The following KIF23 variants were observed in gnomAD, a reference collection of about 807,000 sequenced individuals.
The protein encoded by KIF23 is kinesin-like protein KIF23.
Under a neutral mutation model 137.5 loss-of-function variants are expected in KIF23, and 30 were observed. That is an observed-to-expected ratio of 0.22 (90% CI 0.16 to 0.30). The LOEUF (loss-of-function observed/expected upper bound fraction) is 0.30. KIF23 is among the 10% of genes least tolerant of loss of function. KIF23 has a pLI of 1.00. For synonymous variants in KIF23, 367 were observed against 391.1 expected, an observed-to-expected ratio of 0.94 and a Z score of 0.73; for missense variants, 920 against 1,194.3, an observed-to-expected ratio of 0.77 and a Z score of 3.38.
At chr15:69,432,537 T>G (rs899539704) in intron 11 of KIF23, among the ~76,000 whole-genome samples, 3 of 152,146 alleles carry the variant, frequency 2.0e-5, no homozygotes, top group Admixed American at 6.5e-5. Context: ...AGTAGCTTTT[T>G]TTTTTTTACT....
chr15:69,428,660 CAAAAAAAAAAAAAAAAA>C (rs59950355), intron 10 of KIF23, among the ~76,000 whole-genome samples: 1 of 74,040 alleles, frequency 1.4e-5, no homozygotes, highest in Non-Finnish European at 2.3e-5. Flanking sequence ...CTCTGTCTCC[CAAAAAAAAAAAAAAAAA>C]AAAAAAAACA....
intron 19 of KIF23, among the ~76,000 whole-genome samples, chr15:69,443,326 G>GTTTTTTTTTTTTT (rs10538305): frequency 3.4e-5 from 2 of 58,586 alleles, no homozygotes; most frequent in Non-Finnish European, 6.3e-5. Context: ...TGTTTTTTGG[G>GTTTTTTTTTTTTT]TTTTTTTTTT....
rs1400229384 is a variant in KIF23, at chr15:69,445,182, AG to A, written c.2673+142del. 6.0e-6 allele frequency: 5 copies of A among 829,986 alleles called. No homozygotes were observed. The Admixed American group carries it at 1.5e-4, about 24-fold the overall frequency. 51.4% of individuals were successfully genotyped at this position (829,986 alleles called of 1,614,324 possible). Reference sequence around the variant, plus strand: ...TATTTGATATAACCTTTTTGTTAGCAGAAAATTAGTCACTGCTTAGGTTTTA... The same window carrying A: ...TATTTGATATAACCTTTTTGTTAGCAAAAATTAGTCACTGCTTAGGTTTTA... On this transcript the variant is annotated intron_variant, in intron 20 of 23. Transcript: ENST00000679126.
rs1281499873 is a variant in KIF23, at chr15:69,446,931, G to A, written c.2899G>A (p.Ala967Thr). The stretch of plus-strand genomic sequence containing the variant: ...GCTGGGACCTGGATATCAGCATCAC[G>A]CACAACCCAAGTGAGTACTGACTGT... ...SQLGPGYQHH[A>T]QPKRKKP Residue 967 changes from alanine (A) to threonine (T), a missense_variant, in exon 23 of 24, where the codon GCA (alanine) becomes ACA (threonine). Transcript: ENST00000679126. The A allele has an allele frequency of 6.2e-7, 1 of 1,614,070 alleles. No homozygotes were observed. The highest frequency in any genetic ancestry group is 1.7e-4 in the Middle Eastern group (1 of 6,060).
In KIF23 at chr15:69,426,081, C is replaced by T; in HGVS notation, c.788C>T (p.Ser263Phe). The part of the protein sequence containing the change: ...MRNTDFVPPQ[S>F]KLLREDKNHN... ...TTTCTTTCCCATAGACCTCCACAAT[C>T]TAAATTGCTTCGTGAAGATAAGAAC... Residue 263 changes from serine (S) to phenylalanine (F), a missense_variant, in exon 9 of 24, where the codon TCT (serine) becomes TTT (phenylalanine). By Grantham distance (155) the Ser-to-Phe change is radical. Around this residue, in one of 4 missense-constraint regions of KIF23, gnomAD observed 714 missense variants for 866.2 expected, o/e 0.82. Coordinates refer to ENST00000679126, the MANE Select transcript of KIF23 (RefSeq NM_001367805.3). 6.3e-7 allele frequency: 1 copy of T among 1,582,982 alleles called. No individual in the cohort carries two copies. The highest frequency in any genetic ancestry group is 1.2e-5 in the South Asian group (1 of 84,314).
At chr15:69,424,333 C>T in intron 7 of KIF23, among the ~76,000 whole-genome samples, 1 of 152,212 alleles carries the variant, frequency 6.6e-6, no homozygotes, top group East Asian at 1.9e-4. Context: ...TATTAACACT[C>T]TTAATACTAA....
In KIF23 at chr15:69,446,866, C is replaced by G. The variant is rs1250579511; in HGVS notation, c.2839-5C>G. ...ATCTTTTTCCTCTTGTCATTTTCCT[C>G]TCAGTGTTCTGTGGCTGTGGAGATG... On this transcript the variant is annotated splice_region_variant and splice_polypyrimidine_tract_variant and intron_variant, in intron 22 of 23. Transcript: ENST00000679126. The G allele has an allele frequency of 6.2e-7, 1 of 1,613,940 alleles. No homozygotes were observed. Among genetic ancestry groups the G allele is most frequent in the Non-Finnish European group, 8.5e-7 (1 of 1,179,796 alleles).
chr15:69,415,693 C>G (rs2056885277), intron 1 of KIF23, among the ~76,000 whole-genome samples: 1 of 152,168 alleles, frequency 6.6e-6, no homozygotes, highest in Non-Finnish European at 1.5e-5. Context: ...TGTAGTGCCT[C>G]TGTTAAATTG....
intron 10 of KIF23, among the ~76,000 whole-genome samples, chr15:69,428,084 C>A (rs1441738621): frequency 1.3e-5 from 2 of 151,952 alleles, no homozygotes. Context: ...TGGCGAAACC[C>A]CGTCTCTACT....
intron 11 of KIF23, among the ~76,000 whole-genome samples, chr15:69,430,650 C>T (rs1438096563): frequency 1.3e-5 from 2 of 152,142 alleles, no homozygotes; most frequent in African/African-American, 4.8e-5. Context: ...ATGGCAGAGT[C>T]AAAGTAGCTG....
intron 1 of KIF23, chr15:69,414,711 C>G (rs2056848317): frequency 2.4e-6 from 1 of 421,868 alleles, no homozygotes; most frequent in African/African-American, 2.1e-5. Context: ...CCTGGGCCTC[C>G]AAGGGGCCAG....
chr15:69,433,018 C>G (rs1016417859), intron 11 of KIF23, among the ~76,000 whole-genome samples: 1 of 152,086 alleles, frequency 6.6e-6, no homozygotes, highest in Non-Finnish European at 1.5e-5. Flanking sequence ...TCATGTTCCC[C>G]CGGACAATAT....
At chr15:69,427,619 G>A in intron 10 of KIF23, 1 of 370,224 alleles carries the variant, frequency 2.7e-6, no homozygotes, top group South Asian at 2.1e-5. Context: ...GGCCAGTAGG[G>A]TCCCCCATAT....
At chr15:69,433,549 T>A (rs2057403033) in intron 11 of KIF23, among the ~76,000 whole-genome samples, 1 of 152,136 alleles carries the variant, frequency 6.6e-6, no homozygotes, top group Non-Finnish European at 1.5e-5. Flanking sequence ...CTTCAGACTC[T>A]TGCATGCTTC....
intron 19 of KIF23, among the ~76,000 whole-genome samples, chr15:69,441,640 G>A (rs749334238): frequency 2.6e-5 from 4 of 152,110 alleles, no homozygotes; most frequent in African/African-American, 7.2e-5. Flanking sequence ...CAGACTTAGA[G>A]ACACTTAATC....
chr15:69,433,379 A>C (rs1340184591), intron 11 of KIF23, among the ~76,000 whole-genome samples: 1 of 152,210 alleles, frequency 6.6e-6, no homozygotes, highest in East Asian at 1.9e-4. Flanking sequence ...TTAGACTGTT[A>C]GACTTGCCTT....
chr15:69,426,458 G>A lies in KIF23; in HGVS notation c.1011+1G>A. On this transcript the variant is annotated splice_donor_variant, in intron 10 of 23. Coordinates refer to ENST00000679126, the MANE Select transcript of KIF23 (RefSeq NM_001367805.3). LOFTEE classifies it high-confidence loss of function. ...TGCAGATGGAGACAATGTCTTACAG[G>A]TAAAGTTGTAGTATGTGGAGTTTTT... 1 of 1,613,814 alleles carries A rather than the reference G, an allele frequency of 6.2e-7. No individual in the cohort carries two copies. The highest frequency in any genetic ancestry group is 8.5e-7 in the Non-Finnish European group (1 of 1,179,858).
At chr15:69,429,335 TACTC>T in intron 11 of KIF23, 122 bp downstream of exon 11, 3 of 672,180 alleles carry the variant, frequency 4.5e-6, no homozygotes, top group Non-Finnish European at 7.6e-6. Context: ...GAGACGGTCT[TACTC>T]TGTTACCCAG....
chr15:69,440,382 G>A lies in KIF23; in HGVS notation c.2004G>A (p.Leu668=). 1 of 1,614,064 alleles carries A rather than the reference G, an allele frequency of 6.2e-7. No homozygotes were observed. Among genetic ancestry groups the A allele is most frequent in the Non-Finnish European group, 8.5e-7 (1 of 1,180,000 alleles). ...TTAAAGATGAAAAGCTGAAACAACT[G>A]AAGGCTATTGTTACCGAACCTAAAA... The part of the protein sequence containing the change: ...LWVKDEKLKQ[L]KAIVTEPKTE... The change falls in exon 18 of 24, where the codon CTG becomes CTA. Residue 668 remains leucine, a synonymous_variant. Coordinates refer to ENST00000679126, the MANE Select transcript of KIF23 (RefSeq NM_001367805.3).
Sources: gnomAD v4.1 joint callset for allele counts (sites outside exome capture counted in the v4.1 genomes callset) on GRCh38, gnomAD v4.1.1 for gene constraint, gnomAD v4.1.1 regional missense constraint, MANE v1.5 for transcripts, NCBI Gene and HGNC (gene_info 2026-07-23, HGNC 2026-07-21) for gene names.